Variants in POLR2F observed in about 807,000 individuals in gnomAD.
The protein encoded by POLR2F is DNA-directed RNA polymerases I, II, and III subunit RPABC2.
Under a neutral mutation model 22.7 loss-of-function variants are expected in POLR2F, and 12 were observed. The ratio of observed to expected loss-of-function variants is 0.53; its 90% confidence interval spans 0.34 to 0.86. The LOEUF is 0.86. Among genes scored for constraint, POLR2F ranks in the 40% least tolerant of loss-of-function variants. The probability of loss-of-function intolerance (pLI) is 0.02; values close to 1 mark genes in which losing one functional copy is unlikely to be tolerated. For synonymous variants in POLR2F, 57 were observed against 66.0 expected, an observed-to-expected ratio of 0.86 and a Z score of 0.66; for missense variants, 126 against 171.5, an observed-to-expected ratio of 0.73 and a Z score of 1.48.
At chr22:37,982,739 C>T (rs73415873), upstream of POLR2F, among the ~76,000 whole-genome samples, 1 of 151,940 alleles carries the variant, frequency 6.6e-6, no homozygotes, top group Non-Finnish European at 1.5e-5. Context: ...TACTGTGTGT[C>T]CTCTCCCTAG....
intron 1 of POLR2F, among the ~76,000 whole-genome samples, chr22:37,955,537 T>TC (rs1287092030): frequency 2.7e-4 from 17 of 62,438 alleles, no homozygotes; most frequent in Admixed American, 2.1e-3. Flanking sequence ...AGACTTTGTC[T>TC]CAAAAAAAAA....
upstream of POLR2F, chr22:37,984,006 A>C: frequency 1.9e-5 from 6 of 315,472 alleles, no homozygotes; most frequent in Admixed American, 5.3e-5. The surrounding 1 kb of genome is among the most constrained non-coding windows in gnomAD (Gnocchi z 4.4). Flanking sequence ...GCCCACGCAC[A>C]TGCCAGACTC....
intron 5 of POLR2F, among the ~76,000 whole-genome samples, chr22:38,033,537 T>A (rs1038039069): frequency 1.2e-4 from 18 of 152,322 alleles, no homozygotes; most frequent in African/African-American, 4.3e-4. Flanking sequence ...CAATCACCAG[T>A]GCCCACAGAG....
rs2084867534 is a variant in POLR2F, at chr22:38,011,028, T to C, written c.121-14841T>C. On this transcript the variant is annotated intron_variant, in intron 1 of 2. Transcript: ENST00000333418. ...ATGTCGTATCTAGGAAATCTTTGCC[T>C]AAGTTCCCAAATTCTATCTCCTATA... 2.0e-5 allele frequency among the ~76,000 whole-genome samples: 3 copies of C among 152,210 alleles called. 1 individual carries two copies. Among genetic ancestry groups the C allele is most frequent in the South Asian group, 4.1e-4 (2 of 4,830 alleles).
rs1315660352 is a variant in POLR2F at position 37,967,083 on chromosome 22, G to T, written c.222-16G>T. ...TGGGTTTGTAGTCTCCCTAACACCT[G>T]TCCCTATCCCTACAGGATGTGTGCC... On this transcript the variant is annotated splice_polypyrimidine_tract_variant and intron_variant, in intron 3 of 4. Coordinates refer to ENST00000442738, the MANE Select transcript of POLR2F (RefSeq NM_021974.5). The T allele has an allele frequency of 6.9e-6, 11 of 1,603,676 alleles. No homozygotes were observed. Among genetic ancestry groups the T allele is most frequent in the Non-Finnish European group, 8.5e-6 (10 of 1,173,106 alleles).
At chr22:38,021,244 C>T (rs989280788) in intron 1 of POLR2F, among the ~76,000 whole-genome samples, 5 of 152,086 alleles carry the variant, frequency 3.3e-5, no homozygotes, top group African/African-American at 9.7e-5. Context: ...TGGCCAGGGA[C>T]GGTGCGTATG....
downstream of POLR2F, chr22:37,973,450 C>A (rs1406311329): frequency 7.6e-7 from 1 of 1,307,946 alleles, no homozygotes; most frequent in African/African-American, 1.5e-5. Context: ...GGCACACAGG[C>A]TGGGGGCAGG....
At chr22:38,010,401 G>GGA (rs146984900) in intron 1 of POLR2F, among the ~76,000 whole-genome samples, 3 of 150,856 alleles carry the variant, frequency 2.0e-5, no homozygotes, top group South Asian at 2.1e-4. Flanking sequence ...AAGAAAGAGA[G>GGA]GAGAGAGAGA....
chr22:37,982,544 C>T (rs1038570656), upstream of POLR2F, among the ~76,000 whole-genome samples: 2 of 152,128 alleles, frequency 1.3e-5, no homozygotes, highest in African/African-American at 2.4e-5. Context: ...CTCTGAGGGC[C>T]CCTGGGCAGG....
At chr22:38,034,198 T>A (rs1454481081) in intron 5 of POLR2F, 1 of 169,252 alleles carries the variant, frequency 5.9e-6, no homozygotes. Flanking sequence ...CTTGGGCCTG[T>A]CCACGCTGCT....
chr22:37,986,538 TG>T lies in POLR2F; in HGVS notation c.120+231del. 9.5e-7 allele frequency: 1 copy of T among 1,055,690 alleles called. No individual in the cohort carries two copies. Among genetic ancestry groups the T allele is most frequent in the Non-Finnish European group, 1.4e-6 (1 of 709,096 alleles). 65.4% of individuals were successfully genotyped at this position (1,055,690 alleles called of 1,614,324 possible). A position where few individuals can be genotyped will look rare whatever the true frequency, so the allele number is the denominator to read the frequency against. ...CCTCCTTGGTCCAGCTGTGCCAGGA[TG>T]GGGGTGGGGGTAGCAGTGGGCACGC... is the stretch of plus-strand genomic sequence containing the variant. On this transcript the variant is annotated intron_variant, in intron 1 of 2. Coordinates refer to the POLR2F transcript ENST00000333418. The surrounding 1 kb of genome is among the most constrained non-coding windows in gnomAD (Gnocchi z 4.7).
chr22:37,979,792 C>T (rs559956523), intron 4 of POLR2F, among the ~76,000 whole-genome samples: 19 of 152,006 alleles, frequency 1.2e-4, no homozygotes, highest in Admixed American at 3.3e-4. Flanking sequence ...CAGAGGGGGT[C>T]GAGGGGAAAG....
chr22:37,972,406 AG>A, downstream of POLR2F: 2 of 392,784 alleles, frequency 5.1e-6, no homozygotes, highest in South Asian at 4.0e-5. Context: ...GATAAATAAC[AG>A]GAGACAGTAA....
intron 2 of POLR2F, chr22:38,026,218 G>A (rs2085008603): frequency 1.9e-6 from 1 of 532,722 alleles, no homozygotes; most frequent in Non-Finnish European, 3.9e-6. Context: ...CTGAAGCCCT[G>A]AATAGGCAGC....
rs2084777999 is a variant in POLR2F, at chr22:38,002,227, A to G, written c.120+15915A>G. Among the ~76,000 whole-genome samples, 3 of 152,162 alleles carry G rather than the reference A, an allele frequency of 2.0e-5. No individual in the cohort carries two copies. The South Asian group carries it at 6.2e-4, about 32-fold the overall frequency. ...CTTCTAGACTTTTTATTGGGCCACA[A>G]AAGTGCTTAAGAACTAAAGAAGAAA... On this transcript the variant is annotated intron_variant, in intron 1 of 2. Coordinates refer to the POLR2F transcript ENST00000333418.
intron 1 of POLR2F, among the ~76,000 whole-genome samples, chr22:38,010,389 AAAAG>A (rs1163779618): frequency 2.6e-5 from 4 of 151,652 alleles, no homozygotes; most frequent in African/African-American, 9.7e-5. Context: ...AAAATAAAGG[AAAAG>A]AAAGAGAGGA....
At chr22:37,961,727 C>T (rs1040516030) in intron 3 of POLR2F, among the ~76,000 whole-genome samples, 2 of 151,924 alleles carry the variant, frequency 1.3e-5, no homozygotes, top group African/African-American at 4.8e-5. Flanking sequence ...TGCTTTTTTT[C>T]CCCCCAGGCT....
At chr22:38,038,871 G>A (rs1022519635) in intron 5 of POLR2F, among the ~76,000 whole-genome samples, 1 of 151,554 alleles carries the variant, frequency 6.6e-6, no homozygotes, top group Admixed American at 6.6e-5. Flanking sequence ...CTGCACTGGC[G>A]GCCGCCATCT....
intron 3 of POLR2F, among the ~76,000 whole-genome samples, chr22:37,965,381 T>G (rs571703995): frequency 4.0e-5 from 6 of 149,282 alleles, no homozygotes; most frequent in African/African-American, 7.8e-5. Context: ...TGGCTGATGA[T>G]GTTTGTCACA....
Sources: gnomAD v4.1 joint callset for allele counts (sites outside exome capture counted in the v4.1 genomes callset) on GRCh38, gnomAD v4.1.1 for gene constraint, Gnocchi (gnomAD v3.1) non-coding constraint, MANE v1.5 for transcripts, NCBI Gene and HGNC (gene_info 2026-07-23, HGNC 2026-07-21) for gene names.